Variants in CRTC3 observed in about 807,000 individuals in gnomAD.
CRTC3 encodes the protein CREB-regulated transcription coactivator 3.
CRTC3 carries 26 observed loss-of-function variants against 74.5 expected under a neutral mutation model. The observed-to-expected ratio is 0.35, with a 90% CI of 0.26 to 0.48. The LOEUF (loss-of-function observed/expected upper bound fraction) is 0.48, where lower values mean the gene tolerates loss of function less well. Ranked by LOEUF, CRTC3 falls within the 20% of genes least tolerant of loss-of-function variation. The pLI, the probability that CRTC3 is intolerant of heterozygous loss-of-function variation, is 0.99. For missense variants in CRTC3, 760 were observed against 787.3 expected (o/e 0.97, Z 0.41); for synonymous variants, 377 against 325.8 (o/e 1.16, Z -1.69).
At chr15:90,586,471 A>G (rs761504546) in intron 2 of CRTC3, among the ~76,000 whole-genome samples, 10 of 148,712 alleles carry the variant, frequency 6.7e-5, no homozygotes, top group Admixed American at 3.4e-4. Flanking sequence ...GGTTCGAGCA[A>G]TTCTTCTGCC....
At chr15:90,587,841 T>C (rs1056245630) in intron 2 of CRTC3, among the ~76,000 whole-genome samples, 8 of 151,976 alleles carry the variant, frequency 5.3e-5, no homozygotes, top group African/African-American at 1.9e-4. Flanking sequence ...CTCAAACTTG[T>C]GAGCTCAAAT....
At chr15:90,558,697 A>T (rs1047173336) in intron 2 of CRTC3, among the ~76,000 whole-genome samples, 1 of 151,290 alleles carries the variant, frequency 6.6e-6, no homozygotes, top group Non-Finnish European at 1.5e-5. Context: ...TTCCTGCTTG[A>T]TTTTTCTCCT....
At chr15:90,640,521 C>G (rs967274726) in intron 13 of CRTC3, among the ~76,000 whole-genome samples, 1 of 151,910 alleles carries the variant, frequency 6.6e-6, no homozygotes, top group Non-Finnish European at 1.5e-5. Context: ...GACCCTGTCT[C>G]TAAAAAAAAT....
At position 90,641,152 on chromosome 15, in the gene CRTC3, C is replaced by T. The variant is rs761460761; in HGVS notation, c.1604C>T (p.Pro535Leu). ...CTGCAGGACTCTTTTCATTTGAGAC[C>T]AAGCCCGTATTCCAACTGCGGGAGT... ...RELQDSFHLR[P>L]SPYSNCGSLP... Residue 535 changes from proline (P) to leucine (L), a missense_variant, in exon 14 of 15, where the codon CCA becomes CTA. Coordinates refer to ENST00000268184, the MANE Select transcript of CRTC3 (RefSeq NM_022769.5). 1 of 1,614,030 alleles carries T rather than the reference C, an allele frequency of 6.2e-7. No individual in the cohort carries two copies. Among genetic ancestry groups the T allele is most frequent in the Non-Finnish European group, 8.5e-7 (1 of 1,179,968 alleles).
chr15:90,625,280 C>G (rs753720355), intron 9 of CRTC3, among the ~76,000 whole-genome samples: 3 of 152,268 alleles, frequency 2.0e-5, no homozygotes, highest in Non-Finnish European at 4.4e-5. Flanking sequence ...GCCTGGCACA[C>G]AGTGCCTAGC....
intron 5 of CRTC3, among the ~76,000 whole-genome samples, chr15:90,605,204 T>C (rs1046342064): frequency 6.6e-6 from 1 of 151,992 alleles, no homozygotes; most frequent in African/African-American, 2.4e-5. Flanking sequence ...CAGTGAGCCA[T>C]GTTTGCGCCA....
chr15:90,540,202 T>C, intron 2 of CRTC3, 65 bp downstream of exon 2: 1 of 1,117,728 alleles, frequency 8.9e-7, no homozygotes, highest in Non-Finnish European at 1.3e-6. Flanking sequence ...AGATTATCAC[T>C]AAAAAGATGA....
At position 90,643,097 on chromosome 15, in the gene CRTC3, C is replaced by G. The variant is rs761142241; in HGVS notation, c.*957C>G. 4.3e-6 allele frequency: 1 copy of G among 232,258 alleles called. No individual in the cohort carries two copies. The highest frequency in any genetic ancestry group is 8.5e-6 in the Non-Finnish European group (1 of 117,404). 14.4% of individuals were successfully genotyped at this position (232,258 alleles called of 1,614,324 possible). A position where few individuals can be genotyped will look rare whatever the true frequency, so the allele number is the denominator to read the frequency against. ...GGAGTCTAATGTCACCCCCCTAGAC[C>G]GTAAGCTCCTTGAGGGCAGGGACAG... On this transcript the variant is annotated 3_prime_UTR_variant, in exon 15 of 15. Transcript: ENST00000268184.
chr15:90,582,872 G>A (rs932499684), intron 2 of CRTC3, among the ~76,000 whole-genome samples: 2 of 152,180 alleles, frequency 1.3e-5, no homozygotes, highest in African/African-American at 4.8e-5. Context: ...CTCCATCAGG[G>A]TCAGGGAATG....
intron 2 of CRTC3, among the ~76,000 whole-genome samples, chr15:90,590,408 G>A (rs1049609360): frequency 4.4e-4 from 67 of 152,002 alleles, no homozygotes; most frequent in African/African-American, 1.6e-3. Context: ...GAAGTGCTTG[G>A]CCTTTTGAGT....
chr15:90,550,188 G>A (rs1966852239), intron 2 of CRTC3, among the ~76,000 whole-genome samples: 1 of 151,464 alleles, frequency 6.6e-6, no homozygotes, highest in South Asian at 2.1e-4. Context: ...CAGCACTTTG[G>A]GAGGCCGAGG....
chr15:90,551,319 C>G (rs1966855824), intron 2 of CRTC3, among the ~76,000 whole-genome samples: 1 of 96,484 alleles, frequency 1.0e-5, no homozygotes. Flanking sequence ...GTCTTTATCA[C>G]TTTCTACCTC....
chr15:90,639,544 G>T (rs148320018), intron 13 of CRTC3, among the ~76,000 whole-genome samples: 1 of 150,206 alleles, frequency 6.7e-6, no homozygotes, highest in Non-Finnish European at 1.5e-5. Context: ...CCACCTCCTG[G>T]GTTCAAGTGA....
chr15:90,627,075 A>G (rs1181298449), intron 10 of CRTC3, among the ~76,000 whole-genome samples: 1 of 152,138 alleles, frequency 6.6e-6, no homozygotes, highest in Non-Finnish European at 1.5e-5. Flanking sequence ...GCTGCCTTTC[A>G]CTCTGAGACT....
intron 2 of CRTC3, among the ~76,000 whole-genome samples, chr15:90,586,645 C>T (rs1405380846): frequency 6.6e-6 from 1 of 152,060 alleles, no homozygotes; most frequent in African/African-American, 2.4e-5. Context: ...TAGGTGTGAG[C>T]CACCGTGCCT....
chr15:90,576,666 GA>G (rs1481036553), intron 2 of CRTC3, among the ~76,000 whole-genome samples: 1 of 152,168 alleles, frequency 6.6e-6, no homozygotes, highest in African/African-American at 2.4e-5. Context: ...AGAGGTAGGA[GA>G]AAAATGGGAC....
chr15:90,613,498 C>A (rs1968416256), intron 6 of CRTC3, among the ~76,000 whole-genome samples: 3 of 152,172 alleles, frequency 2.0e-5, no homozygotes, highest in South Asian at 4.1e-4. Flanking sequence ...TACCGTGTTA[C>A]CCTGATCTGT....
At chr15:90,590,698 A>T (rs200897237) in intron 2 of CRTC3, among the ~76,000 whole-genome samples, 1 of 152,138 alleles carries the variant, frequency 6.6e-6, no homozygotes, top group South Asian at 2.1e-4. Context: ...CCCTAACTGA[A>T]CAGCCACTCT....
intron 6 of CRTC3, among the ~76,000 whole-genome samples, chr15:90,609,850 G>A (rs974185157): frequency 6.6e-5 from 10 of 152,200 alleles, no homozygotes; most frequent in South Asian, 4.1e-4. Flanking sequence ...GGGTTCCTGC[G>A]TTGACTTGAG....
Sources: allele counts gnomAD v4.1 joint callset (sites outside exome capture counted in the v4.1 genomes callset), GRCh38; gene constraint gnomAD v4.1.1; transcripts MANE v1.5; gene names NCBI Gene and HGNC (gene_info 2026-07-23, HGNC 2026-07-21).